The following SNX7 variants were observed in gnomAD, a reference collection of about 807,000 sequenced individuals.
The protein encoded by SNX7 is sorting nexin 7, also known as sorting nexin-7.
In SNX7, 35 loss-of-function variants were observed where a neutral mutation model predicts 48.4. That is an observed-to-expected ratio of 0.72 (90% confidence interval 0.55 to 0.96). SNX7 has a LOEUF of 0.96. SNX7 is among the 40% of genes least tolerant of loss of function. The pLI is 0.00. For missense variants in SNX7, 553 were observed against 548.9 expected (o/e 1.01, Z -0.07); for synonymous variants, 190 against 190.2 (o/e 1.00, Z 0.01).
intron 7 of SNX7, among the ~76,000 whole-genome samples, chr1:98,722,544 T>C (rs773421527): frequency 2.1e-4 from 32 of 152,268 alleles, no homozygotes; most frequent in Non-Finnish European, 3.7e-4. Flanking sequence ...TATTTAGATA[T>C]ATTATTTTCA....
At chr1:98,736,714 T>G (rs1273181246) in intron 7 of SNX7, among the ~76,000 whole-genome samples, 1 of 152,186 alleles carries the variant, frequency 6.6e-6, no homozygotes, top group Non-Finnish European at 1.5e-5. Flanking sequence ...TATCTATTAT[T>G]TCAGAAATGA....
intron 1 of SNX7, among the ~76,000 whole-genome samples, chr1:98,668,052 A>G (rs946063601): frequency 1.2e-4 from 18 of 152,190 alleles, no homozygotes; most frequent in Non-Finnish European, 1.8e-4. Context: ...GTATTCTTTT[A>G]TATTTCTCCT....
chr1:98,698,564 G>A, intron 5 of SNX7, 142 bp from the exon 6 acceptor site: 1 of 734,892 alleles, frequency 1.4e-6, no homozygotes, highest in Non-Finnish European at 2.2e-6. Flanking sequence ...ATTTAATGAA[G>A]GATGATATCC....
At chr1:98,706,534 T>C (rs1652014992) in intron 7 of SNX7, among the ~76,000 whole-genome samples, 1 of 152,072 alleles carries the variant, frequency 6.6e-6, no homozygotes, top group African/African-American at 2.4e-5. Context: ...GATAGGAAAA[T>C]AGTTGAACAG....
At chr1:98,724,132 A>G (rs1043000616) in intron 7 of SNX7, among the ~76,000 whole-genome samples, 2 of 152,108 alleles carry the variant, frequency 1.3e-5, no homozygotes, top group African/African-American at 4.8e-5. Flanking sequence ...ATGAGAGTTG[A>G]TTCATAAGTT....
upstream of SNX7, chr1:98,661,630 G>A: frequency 9.5e-7 from 1 of 1,048,700 alleles, no homozygotes; most frequent in Non-Finnish European, 1.2e-6. Context: ...GGCTGGAGCG[G>A]GGCCGGCCGG....
At chr1:98,670,172 A>C (rs1393559041) in intron 1 of SNX7, among the ~76,000 whole-genome samples, 1 of 152,220 alleles carries the variant, frequency 6.6e-6, no homozygotes, top group African/African-American at 2.4e-5. Flanking sequence ...ACAGAGAGCT[A>C]TGTTGAGCCT....
At chr1:98,703,479 G>A (rs1360367609) in intron 7 of SNX7, among the ~76,000 whole-genome samples, 1 of 152,000 alleles carries the variant, frequency 6.6e-6, no homozygotes, top group East Asian at 1.9e-4. Flanking sequence ...GGAGTGGTGG[G>A]CTGCTGTAGA....
chr1:98,696,940 A>G (rs1170076500), intron 5 of SNX7, among the ~76,000 whole-genome samples: 2 of 152,116 alleles, frequency 1.3e-5, no homozygotes, highest in Non-Finnish European at 2.9e-5. Flanking sequence ...GTTGGGAAAT[A>G]TGTATATTAA....
intron 1 of SNX7, among the ~76,000 whole-genome samples, chr1:98,682,789 T>TG (rs1049471483): frequency 3.2e-4 from 48 of 152,218 alleles, no homozygotes; most frequent in African/African-American, 1.2e-3. Flanking sequence ...CTGTTCATTT[T>TG]GGGGAGACCT....
At chr1:98,686,444 C>T (rs1415951248) in intron 2 of SNX7, among the ~76,000 whole-genome samples, 1 of 152,124 alleles carries the variant, frequency 6.6e-6, no homozygotes, top group Non-Finnish European at 1.5e-5. Context: ...TCAGTAATTG[C>T]CATCTACCTG....
chr1:98,751,090 A>G (rs1190901125), intron 8 of SNX7, among the ~76,000 whole-genome samples: 2 of 152,142 alleles, frequency 1.3e-5, no homozygotes, highest in Non-Finnish European at 2.9e-5. Context: ...ATTTGCCTGA[A>G]GTCACACTGT....
At position 98,669,603 on chromosome 1, in the gene SNX7, A is replaced by G. The variant is rs974863360; in HGVS notation, c.180+7692A>G. 7.2e-5 allele frequency among the ~76,000 whole-genome samples: 11 copies of G among 152,328 alleles called. No individual in the cohort carries two copies. The East Asian group carries it at 1.7e-3, about 24-fold the overall frequency. On this transcript the variant is annotated intron_variant, in intron 1 of 8. Coordinates refer to ENST00000306121, the MANE Select transcript of SNX7 (RefSeq NM_015976.5). ...CAGTCTCAGACCCCAGTGAATTGGA[A>G]TCTGATTTAAACAGGATTTGTGGTA...
intron 2 of SNX7, among the ~76,000 whole-genome samples, chr1:98,689,522 T>C (rs57949842): frequency 0.057 from 8,649 of 152,234 alleles, 774 homozygotes; most frequent in African/African-American, 0.18. Flanking sequence ...TACTGGAATT[T>C]ATACTAGATT....
intron 2 of SNX7, among the ~76,000 whole-genome samples, chr1:98,687,972 C>G (rs1650896346): frequency 6.6e-6 from 1 of 152,066 alleles, no homozygotes; most frequent in South Asian, 2.1e-4. Flanking sequence ...TCACCTGGCC[C>G]CGCCCTTGAC....
rs966489362 is a variant in SNX7 at position 98,662,085 on chromosome 1, C to T, written c.180+174C>T. 1.5e-5 allele frequency: 9 copies of T among 610,758 alleles called. No individual in the cohort carries two copies. The Admixed American group carries it at 3.1e-4, about 21-fold the overall frequency. 37.8% of individuals were successfully genotyped at this position (610,758 alleles called of 1,614,324 possible). ...CCCGCCTGCCAGCTCTGGCCGCACC[C>T]GGGGCCGCGTCGCCTCGGGGCCTCA... On this transcript the variant is annotated intron_variant, in intron 1 of 8. Transcript: ENST00000306121.
intron 8 of SNX7, among the ~76,000 whole-genome samples, chr1:98,742,986 ATAGT>A (rs1327866395): frequency 2.0e-5 from 3 of 151,986 alleles, no homozygotes; most frequent in Admixed American, 6.6e-5. Context: ...TTAGATAATA[ATAGT>A]TAAACATTTG....
At chr1:98,723,020 A>G (rs1333691011) in intron 7 of SNX7, among the ~76,000 whole-genome samples, 1 of 152,198 alleles carries the variant, frequency 6.6e-6, no homozygotes, top group Non-Finnish European at 1.5e-5. Flanking sequence ...ACTGGGGATA[A>G]CAATGAAAAG....
intron 7 of SNX7, among the ~76,000 whole-genome samples, chr1:98,717,114 T>C (rs964017813): frequency 7.2e-5 from 11 of 152,130 alleles, no homozygotes. Flanking sequence ...AGTCTTTTTT[T>C]CTTTCAAGGA....
Sources: gnomAD v4.1 joint callset for allele counts (sites outside exome capture counted in the v4.1 genomes callset) on GRCh38, gnomAD v4.1.1 for gene constraint, MANE v1.5 for transcripts, NCBI Gene and HGNC (gene_info 2026-07-23, HGNC 2026-07-21) for gene names.